The following RGS7 variants were observed in gnomAD, a reference collection of about 807,000 sequenced individuals.
RGS7 encodes the protein regulator of G-protein signaling 7.
In RGS7, 27 loss-of-function variants were observed where a neutral mutation model predicts 81.1. The ratio of observed to expected loss-of-function variants is 0.33; its 90% CI spans 0.25 to 0.46. RGS7 has a LOEUF of 0.46. Ranked by LOEUF, RGS7 falls within the 20% of genes least tolerant of loss-of-function variation. RGS7 has a pLI of 1.00. For missense variants in RGS7, 396 were observed against 607.4 expected, an observed-to-expected ratio of 0.65 and a Z score of 3.66; for synonymous variants, 208 against 207.7, an observed-to-expected ratio of 1.00 and a Z score of -0.01.
In RGS7 at chr1:240,994,422, T is replaced by G. The variant is rs568294205; in HGVS notation, c.176-11293A>C. On this transcript the variant is annotated intron_variant, in intron 3 of 18. Transcript: ENST00000440928. The stretch of plus-strand genomic sequence containing the variant: ...ATTTGATTAACACCTATTTAATTTT[T>G]GGGCAATTTTAAACAGTATTGTGTT... Among the ~76,000 whole-genome samples, 6 of 152,316 alleles carry G rather than the reference T, an allele frequency of 3.9e-5. No homozygotes were observed. The South Asian group carries it at 1.0e-3, about 26-fold the overall frequency.
At chr1:240,976,765 AT>A (rs1684132218) in intron 4 of RGS7, among the ~76,000 whole-genome samples, 1 of 146,778 alleles carries the variant, frequency 6.8e-6, no homozygotes, top group Non-Finnish European at 1.5e-5. Flanking sequence ...CTATCTATCT[AT>A]CTATCATCGA....
intron 3 of RGS7, among the ~76,000 whole-genome samples, chr1:241,056,050 C>G (rs2061462465): frequency 6.6e-6 from 1 of 152,120 alleles, no homozygotes. Context: ...TTGCAAGCCC[C>G]TGACCTGTAT....
At chr1:241,106,752 C>CCACACACACACACACACACACACACA (rs778017157) in intron 2 of RGS7, among the ~76,000 whole-genome samples, 2,101 of 121,552 alleles carry the variant, frequency 0.017, 50 homozygotes, top group Admixed American at 0.031. Flanking sequence ...AACACCACCA[C>CCACACACACACACACACACACACACA]CACACACACA....
chr1:241,012,113 AT>A, intron 3 of RGS7, among the ~76,000 whole-genome samples: 1 of 152,250 alleles, frequency 6.6e-6, no homozygotes, highest in East Asian at 1.9e-4. Context: ...AACAGTAGTA[AT>A]GGGGTGGTGT....
chr1:240,843,190 TA>T (rs1558339657), intron 9 of RGS7, among the ~76,000 whole-genome samples: 1 of 148,640 alleles, frequency 6.7e-6, no homozygotes, highest in East Asian at 1.9e-4. Flanking sequence ...AAAATAAAAA[TA>T]AAAAAAGAAA....
intron 3 of RGS7, among the ~76,000 whole-genome samples, chr1:241,083,689 T>G (rs2063279423): frequency 6.6e-6 from 1 of 152,228 alleles, no homozygotes; most frequent in South Asian, 2.1e-4. Context: ...ACTACCAATA[T>G]TTTTAGTATA....
chr1:241,076,480 G>T (rs1166625392), intron 3 of RGS7, among the ~76,000 whole-genome samples: 2 of 152,118 alleles, frequency 1.3e-5, no homozygotes, highest in African/African-American at 4.8e-5. Context: ...CTGAACAGAC[G>T]ATCTGAAGCT....
At chr1:241,351,576 T>C (rs1393895197) in intron 2 of RGS7, among the ~76,000 whole-genome samples, 1 of 152,220 alleles carries the variant, frequency 6.6e-6, no homozygotes, top group East Asian at 1.9e-4. Context: ...CAAAAGGCAT[T>C]GTTTCCTCCT....
chr1:241,017,491 A>C (rs976015211), intron 3 of RGS7, among the ~76,000 whole-genome samples: 1 of 151,442 alleles, frequency 6.6e-6, no homozygotes, highest in South Asian at 2.1e-4. Context: ...CTTTACCTTC[A>C]ATTATGCCTT....
Position 240,775,943 on chromosome 1 carries a change from T to C in RGS7, c.*277A>G. 1 of 563,122 alleles carries C rather than the reference T, an allele frequency of 1.8e-6. No homozygotes were observed. Among genetic ancestry groups the C allele is most frequent in the Non-Finnish European group, 3.2e-6 (1 of 308,932 alleles). 34.9% of individuals were successfully genotyped at this position (563,122 alleles called of 1,614,324 possible). Reference sequence around the variant, plus strand: ...CTTGTTAAAAAGGAAGAGACACAGATCCAGCATAGTAGAAGGAGAAAGAAA... The same window carrying C: ...CTTGTTAAAAAGGAAGAGACACAGACCCAGCATAGTAGAAGGAGAAAGAAA... On this transcript the variant is annotated 3_prime_UTR_variant, in exon 19 of 19. Transcript: ENST00000440928.
intron 2 of RGS7, among the ~76,000 whole-genome samples, chr1:241,227,171 C>T (rs560447984): frequency 2.0e-4 from 31 of 152,238 alleles, no homozygotes; most frequent in African/African-American, 6.5e-4. Flanking sequence ...ACAGGATACA[C>T]CCACGTGCAC....
intron 6 of RGS7, among the ~76,000 whole-genome samples, chr1:240,929,590 A>G (rs1254911314): frequency 6.6e-6 from 1 of 152,138 alleles, no homozygotes; most frequent in Non-Finnish European, 1.5e-5. Context: ...AGATAGCTTT[A>G]TTGATTTTCT....
intron 2 of RGS7, among the ~76,000 whole-genome samples, chr1:241,107,385 C>T (rs764664211): frequency 3.3e-5 from 5 of 152,128 alleles, no homozygotes; most frequent in African/African-American, 1.2e-4. Context: ...CCTGCTTCTC[C>T]GATTACAGAT....
chr1:240,857,852 C>A (rs575112820), intron 9 of RGS7, among the ~76,000 whole-genome samples: 7 of 151,998 alleles, frequency 4.6e-5, no homozygotes, highest in Non-Finnish European at 1.0e-4. Flanking sequence ...GGGGTGGTTA[C>A]CCCCACGTTG....
At chr1:241,257,568 C>G (rs986712594) in intron 2 of RGS7, among the ~76,000 whole-genome samples, 1 of 152,124 alleles carries the variant, frequency 6.6e-6, no homozygotes, top group African/African-American at 2.4e-5. Flanking sequence ...ATGTTTTTAT[C>G]TAATTTAAGG....
chr1:240,868,564 A>T lies in RGS7; in HGVS notation c.609+23T>A. 6.2e-7 allele frequency: 1 copy of T among 1,610,814 alleles called. No homozygotes were observed. The highest frequency in any genetic ancestry group is 1.3e-5 in the African/African-American group (1 of 74,956). ...CACAGACGGAGAAGATGGATTCAAG[A>T]CGAGAGTGCGACGCTTGCTTACCAC... On this transcript the variant is annotated intron_variant, in intron 9 of 18. Coordinates refer to ENST00000440928, the MANE Select transcript of RGS7 (RefSeq NM_001364886.1). This position sits in a 1 kb window ranked among gnomAD's most constrained non-coding sequence, Gnocchi z 5.1.
At position 241,298,606 on chromosome 1, in the gene RGS7, T is replaced by C. The variant is rs1401658350; in HGVS notation, c.78+57093A>G. On this transcript the variant is annotated intron_variant, in intron 2 of 18. Coordinates refer to ENST00000440928, the MANE Select transcript of RGS7 (RefSeq NM_001364886.1). ...TTATCTGTACCCTCGGGTATGATTA[T>C]AGAGATGCTTAGTCTAAATGCAAAC... is the stretch of plus-strand genomic sequence containing the variant. Among the ~76,000 whole-genome samples the C allele has an allele frequency of 2.0e-5, 3 of 152,228 alleles. No homozygotes were observed. In the East Asian group the frequency reaches 5.8e-4, roughly 29 times the overall value.
At position 240,868,740 on chromosome 1, in the gene RGS7, T is replaced by A. The variant is rs1663941152; in HGVS notation, c.527+36A>T. The A allele has an allele frequency of 1.2e-6, 2 of 1,613,096 alleles. No individual in the cohort carries two copies. Among genetic ancestry groups the A allele is most frequent in the Non-Finnish European group, 8.5e-7 (1 of 1,179,202 alleles). Reference sequence around the variant, plus strand: ...CCTCTCTGAACAAAAAGGCCACAACTGGAACAAATCTTCCAAACGACTCAC... The same window carrying A: ...CCTCTCTGAACAAAAAGGCCACAACAGGAACAAATCTTCCAAACGACTCAC... On this transcript the variant is annotated intron_variant, in intron 8 of 18. Coordinates refer to ENST00000440928, the MANE Select transcript of RGS7 (RefSeq NM_001364886.1). This position sits in a 1 kb window ranked among gnomAD's most constrained non-coding sequence, Gnocchi z 5.1.
chr1:240,801,425 AT>A (rs1246494882), intron 17 of RGS7, 29 bp downstream of exon 17: 8 of 1,460,454 alleles, frequency 5.5e-6, no homozygotes, highest in Non-Finnish European at 7.7e-6. Flanking sequence ...GGACTTAATG[AT>A]TCATAATTCC....
Sources: allele counts gnomAD v4.1 joint callset (sites outside exome capture counted in the v4.1 genomes callset), GRCh38; gene constraint gnomAD v4.1.1; non-coding constraint Gnocchi (gnomAD v3.1); transcripts MANE v1.5; gene names NCBI Gene and HGNC (gene_info 2026-07-23, HGNC 2026-07-21).